Variants in GABBR2 observed in about 807,000 individuals in gnomAD.
GABBR2 encodes the protein G-protein coupled receptor 51.
In GABBR2, 23 loss-of-function variants were observed where a neutral mutation model predicts 105.6. The observed-to-expected ratio is 0.22, with a 90% confidence interval of 0.16 to 0.31. The LOEUF (loss-of-function observed/expected upper bound fraction) is 0.31. GABBR2 is among the 10% of genes least tolerant of loss of function. GABBR2 has a pLI of 1.00. For missense variants in GABBR2, 734 were observed against 1,245.5 expected, an observed-to-expected ratio of 0.59 and a Z score of 6.18; for synonymous variants, 478 against 499.7, an observed-to-expected ratio of 0.96 and a Z score of 0.58.
intron 3 of GABBR2, among the ~76,000 whole-genome samples, chr9:98,525,484 T>C (rs1182598625): frequency 6.6e-6 from 1 of 152,230 alleles, no homozygotes; most frequent in Non-Finnish European, 1.5e-5. Flanking sequence ...AAGATGGTTA[T>C]AATCTCTTCT....
chr9:98,481,393 C>T (rs569034209), intron 4 of GABBR2, among the ~76,000 whole-genome samples: 1 of 152,308 alleles, frequency 6.6e-6, no homozygotes, highest in East Asian at 1.9e-4. Context: ...AAACTGAGGC[C>T]AGATGAGGAG....
At chr9:98,309,857 CT>C (rs1319098984) in intron 14 of GABBR2, among the ~76,000 whole-genome samples, 1 of 152,234 alleles carries the variant, frequency 6.6e-6, no homozygotes, top group Non-Finnish European at 1.5e-5. Context: ...GGGGACCAAT[CT>C]TTGTCTAGGG....
chr9:98,400,987 G>A (rs1233760352), intron 8 of GABBR2, among the ~76,000 whole-genome samples: 1 of 152,110 alleles, frequency 6.6e-6, no homozygotes, highest in East Asian at 1.9e-4. Context: ...TGTGCGAATT[G>A]TGTCCTAAAG....
intron 13 of GABBR2, among the ~76,000 whole-genome samples, chr9:98,361,182 G>T (rs559090344): frequency 6.6e-6 from 1 of 152,310 alleles, no homozygotes; most frequent in African/African-American, 2.4e-5. Flanking sequence ...GAAAGGCAGG[G>T]TTAGGCAGTA....
rs1364442176 is a variant in GABBR2 at position 98,602,195 on chromosome 9, C to T, written c.322-24123G>A. Among the ~76,000 whole-genome samples, 7 of 150,940 alleles carry T rather than the reference C, an allele frequency of 4.6e-5. No individual in the cohort carries two copies. The East Asian group carries it at 1.2e-3, about 25-fold the overall frequency. On this transcript the variant is annotated intron_variant, in intron 1 of 18. Transcript: ENST00000259455. ...TTTTTTTTTTTTAATTGTTGGTGGCCGGGTGCGGTGGCTCACGCTTGTAAT... is the reference window on the plus strand; with the variant it reads ...TTTTTTTTTTTTAATTGTTGGTGGCTGGGTGCGGTGGCTCACGCTTGTAAT...
At chr9:98,301,323 C>T (rs942657162) in intron 16 of GABBR2, among the ~76,000 whole-genome samples, 1 of 152,208 alleles carries the variant, frequency 6.6e-6, no homozygotes, top group African/African-American at 2.4e-5. Flanking sequence ...GAACTGGAGG[C>T]ACCCAGCGGG....
At chr9:98,480,696 G>GCTTAGACTATGGGTTAGA (rs1281475601) in intron 5 of GABBR2, among the ~76,000 whole-genome samples, 2 of 152,136 alleles carry the variant, frequency 1.3e-5, no homozygotes, top group Non-Finnish European at 2.9e-5. Flanking sequence ...AGCCAACAAG[G>GCTTAGACTATGGGTTAGA]CTTAGACTAT....
At chr9:98,320,355 T>C (rs1212528691) in intron 13 of GABBR2, among the ~76,000 whole-genome samples, 11 of 151,694 alleles carry the variant, frequency 7.3e-5, no homozygotes, top group Admixed American at 3.3e-4. Flanking sequence ...TGTGGAGAAA[T>C]AGGAACACTT....
intron 13 of GABBR2, among the ~76,000 whole-genome samples, chr9:98,356,102 A>G (rs1467352398): frequency 6.6e-6 from 1 of 152,248 alleles, no homozygotes; most frequent in Non-Finnish European, 1.5e-5. Flanking sequence ...ATAAAACATA[A>G]CAGAAAAAAA....
intron 8 of GABBR2, among the ~76,000 whole-genome samples, chr9:98,398,067 G>A (rs911329047): frequency 3.3e-5 from 5 of 152,090 alleles, no homozygotes; most frequent in African/African-American, 9.7e-5. Context: ...AAGGTCAACC[G>A]GTCTATATGT....
rs1172616786 is a variant in GABBR2 at position 98,464,281 on chromosome 9, C to T, written c.999+8865G>A. On this transcript the variant is annotated intron_variant, in intron 6 of 18. Transcript: ENST00000259455. ...GGAAGTGAGGAGCGCCTCTTCCCGG[C>T]CGCCCCGTCTGGGAGGAAGTGAGGA... Among the ~76,000 whole-genome samples the T allele has an allele frequency of 2.7e-5, 4 of 150,412 alleles. No homozygotes were observed. In the South Asian group the frequency reaches 8.5e-4, roughly 32 times the overall value.
chr9:98,585,511 G>A (rs910991791), intron 1 of GABBR2, among the ~76,000 whole-genome samples: 1 of 134,696 alleles, frequency 7.4e-6, no homozygotes, highest in African/African-American at 2.7e-5. Flanking sequence ...GGAGTGGGGA[G>A]GGATAGCATT....
chr9:98,373,062 C>A (rs539241792), intron 11 of GABBR2, among the ~76,000 whole-genome samples: 1 of 151,900 alleles, frequency 6.6e-6, no homozygotes, highest in South Asian at 2.1e-4. Context: ...CACATTATTA[C>A]CCAGATGATC....
At chr9:98,328,093 T>A (rs1348459818) in intron 13 of GABBR2, among the ~76,000 whole-genome samples, 1 of 150,738 alleles carries the variant, frequency 6.6e-6, no homozygotes, top group African/African-American at 2.4e-5. Flanking sequence ...AGTCTGTACT[T>A]CTCAAGGTCA....
At chr9:98,685,659 C>G (rs574792036) in intron 1 of GABBR2, among the ~76,000 whole-genome samples, 4 of 152,208 alleles carry the variant, frequency 2.6e-5, no homozygotes, top group Non-Finnish European at 4.4e-5. Context: ...CCATGACAAA[C>G]AGTGTCTCCT....
intron 4 of GABBR2, among the ~76,000 whole-genome samples, chr9:98,492,236 T>A (rs914367199): frequency 9.9e-5 from 15 of 151,368 alleles, no homozygotes; most frequent in African/African-American, 3.2e-4. Context: ...ATATAGTCTG[T>A]ACATTTCCAT....
Position 98,290,639 on chromosome 9 carries a change from C to T in GABBR2, c.2771G>A (p.Ser924Asn). Residue 924 changes from serine to asparagine, a missense_variant, in exon 19 of 19, where the codon AGC (serine) becomes AAC (asparagine). By Grantham distance (46) the Ser-to-Asn change is conservative. This residue lies in a region of GABBR2 where 134 missense variants were observed against 171.2 expected (regional missense o/e 0.78). Coordinates refer to ENST00000259455, the MANE Select transcript of GABBR2 (RefSeq NM_005458.8). ...GGGTGGCACATGTCTGTGGCGGGGGCTGGCGGTGGGGCTGACGCAGGGGCT... is the reference window on the plus strand; with the variant it reads ...GGGTGGCACATGTCTGTGGCGGGGGTTGGCGGTGGGGCTGACGCAGGGGCT... ...CVSPCVSPTASPRHRHVPPSF... is the reference protein window; with the variant it reads ...CVSPCVSPTANPRHRHVPPSF... The T allele has an allele frequency of 1.4e-6, 2 of 1,447,598 alleles. No homozygotes were observed. Among genetic ancestry groups the T allele is most frequent in the Non-Finnish European group, 1.8e-6 (2 of 1,103,300 alleles). 89.7% of individuals were successfully genotyped at this position (1,447,598 alleles called of 1,614,324 possible).
chr9:98,311,592 T>A (rs865782306), intron 13 of GABBR2, among the ~76,000 whole-genome samples: 2 of 152,242 alleles, frequency 1.3e-5, no homozygotes, highest in South Asian at 4.1e-4. Flanking sequence ...GGTCTTCAGG[T>A]ATCTCTGGGG....
chr9:98,512,691 C>T lies in GABBR2; in HGVS notation c.631-16177G>A, dbSNP rs1181485943. On this transcript the variant is annotated intron_variant, in intron 3 of 18. Coordinates refer to ENST00000259455, the MANE Select transcript of GABBR2 (RefSeq NM_005458.8). Reference sequence around the variant, plus strand: ...GAGAATAAAATACCTAGGAATCCAACTTACAAGGGATGTGAAGGACCTCTT... The same window carrying T: ...GAGAATAAAATACCTAGGAATCCAATTTACAAGGGATGTGAAGGACCTCTT... Among the ~76,000 whole-genome samples, 7 of 151,970 alleles carry T rather than the reference C, an allele frequency of 4.6e-5. 1 individual carries two copies. In the South Asian group the frequency reaches 1.5e-3, roughly 32 times the overall value.
Sources: gnomAD v4.1 joint callset for allele counts (sites outside exome capture counted in the v4.1 genomes callset) on GRCh38, gnomAD v4.1.1 for gene constraint, gnomAD v4.1.1 regional missense constraint, MANE v1.5 for transcripts, NCBI Gene and HGNC (gene_info 2026-07-23, HGNC 2026-07-21) for gene names.